The following UNC80 variants were observed in gnomAD, a reference collection of about 807,000 sequenced individuals.
The protein encoded by UNC80 is unc-80 subunit of NALCN channel complex.
UNC80 carries 164 observed loss-of-function variants against 384.6 expected under a neutral mutation model. The observed-to-expected ratio is 0.43, with a 90% CI of 0.38 to 0.49. The LOEUF (loss-of-function observed/expected upper bound fraction) is 0.49, where lower values mean the gene tolerates loss of function less well. Among genes scored for constraint, UNC80 ranks in the 20% least tolerant of loss-of-function variants. The probability of loss-of-function intolerance (pLI) is 0.00; values close to 1 mark genes in which losing one functional copy is unlikely to be tolerated. For synonymous variants in UNC80, 1,486 were observed against 1,527.8 expected (o/e 0.97, Z 0.64); for missense variants, 3,330 against 4,143.0 (o/e 0.80, Z 5.39).
chr2:209,982,446 C>T, intron 60 of UNC80, 129 bp downstream of exon 60: 1 of 1,184,422 alleles, frequency 8.4e-7, no homozygotes, highest in Admixed American at 3.5e-5. Flanking sequence ...ATAGATCATT[C>T]CACAAAGGAT....
intron 16 of UNC80, among the ~76,000 whole-genome samples, chr2:209,831,967 T>C (rs1037359938): frequency 6.6e-6 from 1 of 152,218 alleles, no homozygotes; most frequent in African/African-American, 2.4e-5. Flanking sequence ...CTTTAAAAAT[T>C]AATGCAAATA....
Position 209,816,982 on chromosome 2 carries a change from G to A in UNC80, c.1409G>A (p.Arg470Gln), listed in dbSNP as rs773040211. 1.2e-5 allele frequency: 19 copies of A among 1,551,534 alleles called. No homozygotes were observed. The highest frequency in any genetic ancestry group is 2.0e-5 in the Admixed American group (1 of 50,968). The change falls in exon 10 of 65, where the codon CGG becomes CAG. Residue 470 changes from arginine to glutamine, a missense_variant. Arg to Gln is a conservative substitution (Grantham distance 43). This residue lies in a region of UNC80 where 937 missense variants were observed against 1,026.8 expected (regional missense o/e 0.91). Coordinates refer to ENST00000673920, the MANE Select transcript of UNC80 (RefSeq NM_001371986.1). ...PFHHTGKRRP[R>Q]RMGVPFLLHE... Reference sequence around the variant, plus strand: ...CACCACACAGGCAAGAGGAGGCCACGGAGAATGGGAGTGCCCTTCCTGCTT... The same window carrying A: ...CACCACACAGGCAAGAGGAGGCCACAGAGAATGGGAGTGCCCTTCCTGCTT...
At chr2:209,955,925 G>C (rs548571585) in intron 48 of UNC80, among the ~76,000 whole-genome samples, 1 of 151,476 alleles carries the variant, frequency 6.6e-6, no homozygotes, top group South Asian at 2.1e-4. Context: ...TGTATTTTCA[G>C]TAGAGACGGT....
At chr2:209,975,604 G>C (rs796488280) in intron 56 of UNC80, among the ~76,000 whole-genome samples, 5 of 152,190 alleles carry the variant, frequency 3.3e-5, no homozygotes, top group African/African-American at 1.2e-4. Context: ...GGAAGGAAAA[G>C]GACTTAATAT....
chr2:209,984,846 C>T lies in UNC80; in HGVS notation c.9258-10C>T, dbSNP rs2125025520. The T allele has an allele frequency of 6.5e-7, 1 of 1,546,380 alleles. No individual in the cohort carries two copies. Among genetic ancestry groups the T allele is most frequent in the East Asian group, 2.5e-5 (1 of 40,734 alleles). On this transcript the variant is annotated splice_polypyrimidine_tract_variant and intron_variant, in intron 60 of 64. Transcript: ENST00000673920. Reference sequence around the variant, plus strand: ...TCCCTAAATGCTTCATCTCCCTACCCCTCCTGCAGTGAACCTAATGTCCTC... The same window carrying T: ...TCCCTAAATGCTTCATCTCCCTACCTCTCCTGCAGTGAACCTAATGTCCTC...
At chr2:209,882,338 G>T (rs2124898226) in intron 25 of UNC80, among the ~76,000 whole-genome samples, 1 of 152,268 alleles carries the variant, frequency 6.6e-6, no homozygotes, top group Non-Finnish European at 1.5e-5. Flanking sequence ...GGTGTGGGGA[G>T]AGGAGTGAAA....
chr2:209,933,581 G>T lies in UNC80; in HGVS notation c.5995-241G>T, dbSNP rs539944828. On this transcript the variant is annotated intron_variant, in intron 38 of 64. Transcript: ENST00000673920. ...TGCCTGGGTGGGGGGAGGGGGGAAT[G>T]ATCTGCTTTTTTCTTAAGAATTCGC... Among the ~76,000 whole-genome samples, 55 of 150,360 alleles carry T rather than the reference G, an allele frequency of 3.7e-4. 1 individual carries two copies. Among genetic ancestry groups the T allele is most frequent in the Middle Eastern group, 3.4e-3 (1 of 294 alleles).
intron 24 of UNC80, among the ~76,000 whole-genome samples, chr2:209,879,186 A>G (rs1172340705): frequency 6.6e-6 from 1 of 152,174 alleles, no homozygotes; most frequent in Non-Finnish European, 1.5e-5. Context: ...AAAGATATCT[A>G]AAGTAGCCTA....
At position 209,912,601 on chromosome 2, in the gene UNC80, G is replaced by A. The variant is rs2089075882; in HGVS notation, c.4824G>A (p.Lys1608=). The A allele has an allele frequency of 6.4e-7, 1 of 1,551,436 alleles. No individual in the cohort carries two copies. Among genetic ancestry groups the A allele is most frequent in the Non-Finnish European group, 8.7e-7 (1 of 1,146,890 alleles). ...GCCTGAGGACACCTTCTCTAAAGAAGAGAGTTTCAGATGCCAATCTGGAAG... is the reference window on the plus strand; with the variant it reads ...GCCTGAGGACACCTTCTCTAAAGAAAAGAGTTTCAGATGCCAATCTGGAAG... ...KSCLRTPSLK[K]RVSDANLEGK... The change falls in exon 30 of 65, where the codon AAG becomes AAA. Residue 1608 remains lysine (K), a synonymous_variant. Transcript: ENST00000673920.
intron 21 of UNC80, among the ~76,000 whole-genome samples, chr2:209,845,645 C>T (rs1227231878): frequency 6.6e-6 from 1 of 152,106 alleles, no homozygotes; most frequent in Non-Finnish European, 1.5e-5. Flanking sequence ...GAAAACAAAG[C>T]CATAATATTT....
rs1553611229 is a variant in UNC80, at chr2:209,949,847, A to G, written c.7286+3904A>G. On this transcript the variant is annotated intron_variant, in intron 47 of 64. Coordinates refer to ENST00000673920, the MANE Select transcript of UNC80 (RefSeq NM_001371986.1). ...ATGGATTAGCTTTTTTTTATTTTTG[A>G]AACAGGGTCTTGTTCTGTTGCCAAG... 2.4e-5 allele frequency among the ~76,000 whole-genome samples: 3 copies of G among 126,034 alleles called. No homozygotes were observed. In the Admixed American group the frequency reaches 3.0e-4, roughly 13 times the overall value. The allele number at this position is 126,034 out of a possible 152,430, so 82.7% of individuals were successfully genotyped here.
intron 5 of UNC80, among the ~76,000 whole-genome samples, chr2:209,788,416 TC>T (rs2077586124): frequency 7.0e-6 from 1 of 141,854 alleles, no homozygotes. Context: ...AAACTCCATC[TC>T]AAAAAAAAAA....
chr2:209,897,983 A>G (rs1287097132), intron 28 of UNC80, among the ~76,000 whole-genome samples: 1 of 152,172 alleles, frequency 6.6e-6, no homozygotes, highest in East Asian at 1.9e-4. Context: ...TTTTCATTTA[A>G]TATCAATATT....
chr2:209,815,720 C>A (rs531799416), intron 9 of UNC80, among the ~76,000 whole-genome samples: 1 of 152,286 alleles, frequency 6.6e-6, no homozygotes, highest in African/African-American at 2.4e-5. Flanking sequence ...TGGTTCAACT[C>A]ATTTTTATCA....
chr2:209,838,565 ATATTTTTTTAAGAG>A (rs2081506612), intron 18 of UNC80, among the ~76,000 whole-genome samples: 1 of 152,120 alleles, frequency 6.6e-6, no homozygotes, highest in Non-Finnish European at 1.5e-5. Flanking sequence ...ATGCATTTAA[ATATTTTTTTAAGAG>A]TATTTGGTGT....
chr2:209,851,185 C>A (rs1388690709), intron 22 of UNC80, among the ~76,000 whole-genome samples: 1 of 152,012 alleles, frequency 6.6e-6, no homozygotes, highest in Admixed American at 6.6e-5. Context: ...GCCACAGATT[C>A]CTACTTTATA....
chr2:209,875,157 A>G (rs181771861), intron 23 of UNC80, among the ~76,000 whole-genome samples: 1 of 152,264 alleles, frequency 6.6e-6, no homozygotes, highest in Admixed American at 6.5e-5. Context: ...ATTCATCCTC[A>G]TCTCCCAGCC....
intron 42 of UNC80, among the ~76,000 whole-genome samples, chr2:209,938,569 T>C (rs1361435193): frequency 2.6e-5 from 4 of 152,124 alleles, no homozygotes; most frequent in African/African-American, 9.7e-5. Context: ...CTATTAGATC[T>C]TAAATATAAA....
chr2:209,963,936 C>A (rs528864876), intron 51 of UNC80, among the ~76,000 whole-genome samples: 17 of 152,274 alleles, frequency 1.1e-4, no homozygotes, highest in African/African-American at 4.1e-4. Context: ...GTGTGGACCT[C>A]CAAAGATGAA....
Sources: gnomAD v4.1 joint callset for allele counts (sites outside exome capture counted in the v4.1 genomes callset) on GRCh38, gnomAD v4.1.1 for gene constraint, gnomAD v4.1.1 regional missense constraint, MANE v1.5 for transcripts, NCBI Gene and HGNC (gene_info 2026-07-23, HGNC 2026-07-21) for gene names.